Variants in KPNA3 observed in about 807,000 individuals in gnomAD.
The protein encoded by KPNA3 is karyopherin subunit alpha 3, also known as importin subunit alpha-4.
In KPNA3, 13 loss-of-function variants were observed where a neutral mutation model predicts 73.8. The ratio of observed to expected loss-of-function variants is 0.18; its 90% confidence interval spans 0.11 to 0.28. The LOEUF is 0.28. KPNA3 is among the 10% of genes least tolerant of loss of function. The pLI is 1.00. For synonymous variants in KPNA3, 186 were observed against 206.9 expected (o/e 0.90, Z 0.87); for missense variants, 360 against 618.1 (o/e 0.58, Z 4.43).
In KPNA3 at chr13:49,753,443, T is replaced by G. The variant is rs1229314245; in HGVS notation, c.70-6450A>C. Among the ~76,000 whole-genome samples the G allele has an allele frequency of 2.0e-5, 3 of 152,174 alleles. No individual in the cohort carries two copies. In the East Asian group the frequency reaches 5.8e-4, roughly 29 times the overall value. Reference sequence around the variant, plus strand: ...TATAAACACAACTCAAGGACTACTGTTTATATGAGCACTTTCTGAAGAATC... The same window carrying G: ...TATAAACACAACTCAAGGACTACTGGTTATATGAGCACTTTCTGAAGAATC... On this transcript the variant is annotated intron_variant, in intron 1 of 16. Coordinates refer to ENST00000261667, the MANE Select transcript of KPNA3 (RefSeq NM_002267.4).
chr13:49,739,329 C>A (rs941528906), intron 2 of KPNA3, among the ~76,000 whole-genome samples: 1 of 152,116 alleles, frequency 6.6e-6, no homozygotes, highest in Admixed American at 6.5e-5. Flanking sequence ...TCTCAACCCA[C>A]GAAGCATTAT....
intron 11 of KPNA3, among the ~76,000 whole-genome samples, chr13:49,710,505 A>T (rs1954250214): frequency 6.6e-6 from 1 of 152,232 alleles, no homozygotes; most frequent in Non-Finnish European, 1.5e-5. Context: ...AGAAGAATTG[A>T]AATGATTTTG....
At chr13:49,723,467 G>A (rs1003493624) in intron 7 of KPNA3, among the ~76,000 whole-genome samples, 6 of 152,086 alleles carry the variant, frequency 3.9e-5, no homozygotes, top group Non-Finnish European at 7.4e-5. Context: ...CTACTTTGGA[G>A]GCTGAGGCAG....
rs147571682 is a variant in KPNA3 at position 49,741,782 on chromosome 13, T to C, written c.114+5167A>G. 1.1e-4 allele frequency among the ~76,000 whole-genome samples: 17 copies of C among 152,336 alleles called. No homozygotes were observed. The East Asian group carries it at 3.3e-3, about 29-fold the overall frequency. On this transcript the variant is annotated intron_variant, in intron 2 of 16. Coordinates refer to ENST00000261667, the MANE Select transcript of KPNA3 (RefSeq NM_002267.4). Reference sequence around the variant, plus strand: ...GCCCATTTTTTAATTGTTAGTTTTCTTGCTATTGAGTTCATTATATATAAC... The same window carrying C: ...GCCCATTTTTTAATTGTTAGTTTTCCTGCTATTGAGTTCATTATATATAAC...
At chr13:49,759,251 A>G (rs4942864) in intron 1 of KPNA3, among the ~76,000 whole-genome samples, 36,384 of 152,146 alleles carry the variant, frequency 0.24, 5,197 homozygotes, top group Non-Finnish European at 0.32. Context: ...TCAAGCATTT[A>G]TTTTACTGTT....
chr13:49,702,328 ACAT>A, intron 16 of KPNA3, 55 bp downstream of exon 16: 1 of 884,070 alleles, frequency 1.1e-6, no homozygotes, highest in Admixed American at 2.4e-5. Flanking sequence ...TAGTAAATTT[ACAT>A]CATGTATAGG....
intron 15 of KPNA3, among the ~76,000 whole-genome samples, chr13:49,703,183 C>CTTTTTTTTTT (rs35282756): frequency 9.2e-5 from 10 of 109,194 alleles, no homozygotes; most frequent in Admixed American, 1.1e-4. Context: ...TTCTTTCTTT[C>CTTTTTTTTTT]TTTTTTTTTT....
intron 2 of KPNA3, among the ~76,000 whole-genome samples, chr13:49,734,266 CTCAATATAT>C (rs1407724806): frequency 2.0e-5 from 3 of 152,180 alleles, no homozygotes; most frequent in Non-Finnish European, 2.9e-5. Context: ...TTCTTTTATA[CTCAATATAT>C]TCAATATATT....
intron 12 of KPNA3, among the ~76,000 whole-genome samples, chr13:49,707,322 T>C (rs1954217132): frequency 6.6e-6 from 1 of 152,172 alleles, no homozygotes; most frequent in South Asian, 2.1e-4. Context: ...CATCCAACTG[T>C]GGTAAGTTGT....
At position 49,733,341 on chromosome 13, in the gene KPNA3, GC is replaced by G. The variant is rs201567613; in HGVS notation, c.115-296del. Reference sequence around the variant, plus strand: ...CTTGCTCTGTCACCCAGTCTGGAGTGCAGTGGCACAATCTCAGCTCACTTCC... The same window carrying G: ...CTTGCTCTGTCACCCAGTCTGGAGTGAGTGGCACAATCTCAGCTCACTTCC... On this transcript the variant is annotated intron_variant, in intron 2 of 16. Transcript: ENST00000261667. 9.0e-3 allele frequency among the ~76,000 whole-genome samples: 1,287 copies of G among 143,104 alleles called. 18 individuals carry two copies. Among genetic ancestry groups the G allele is most frequent in the African/African-American group, 0.032 (1,235 of 38,362 alleles). 93.9% of individuals were successfully genotyped at this position (143,104 alleles called of 152,430 possible).
At chr13:49,733,138 T>C in intron 2 of KPNA3, 92 bp from the exon 3 acceptor site, 1 of 789,750 alleles carries the variant, frequency 1.3e-6, no homozygotes, top group Middle Eastern at 2.3e-4. Context: ...TAGGCAATTA[T>C]GAAACAAATA....
chr13:49,741,543 T>C (rs1954574354), intron 2 of KPNA3, among the ~76,000 whole-genome samples: 1 of 150,550 alleles, frequency 6.6e-6, no homozygotes, highest in Non-Finnish European at 1.5e-5. Flanking sequence ...AAACTCCGCC[T>C]CCCAGGTTCA....
At chr13:49,747,026 C>A in intron 1 of KPNA3, 33 bp from the exon 2 acceptor site, 1 of 1,497,458 alleles carries the variant, frequency 6.7e-7, no homozygotes, top group South Asian at 1.1e-5. Context: ...ACAGATGTAT[C>A]AAAATACGGA....
At chr13:49,704,280 G>A (rs1376628790) in intron 15 of KPNA3, among the ~76,000 whole-genome samples, 5 of 151,844 alleles carry the variant, frequency 3.3e-5, no homozygotes, top group Non-Finnish European at 7.4e-5. Flanking sequence ...AAATTTAGCC[G>A]GGCGTGGTGG....
intron 1 of KPNA3, among the ~76,000 whole-genome samples, chr13:49,785,755 GA>G (rs201824796): frequency 3.9e-4 from 57 of 146,842 alleles, no homozygotes; most frequent in African/African-American, 1.2e-3. Context: ...GTGAATTCAT[GA>G]AAAAAAAAAA....
chr13:49,704,431 TAAA>T lies in KPNA3; in HGVS notation c.1372+1187_1372+1189del, dbSNP rs76079319. Reference sequence around the variant, plus strand: ...CTGTCTCAAAAAAAAAATAAATAAATAAAAAATAAATAAATAAATAAATAAATA... The same window carrying T: ...CTGTCTCAAAAAAAAAATAAATAAATAAATAAATAAATAAATAAATAAATA... On this transcript the variant is annotated intron_variant, in intron 15 of 16. Transcript: ENST00000261667. 2.7e-3 allele frequency among the ~76,000 whole-genome samples: 141 copies of T among 52,362 alleles called. 1 individual carries two copies. Among genetic ancestry groups the T allele is most frequent in the South Asian group, 0.02 (21 of 1,028 alleles). 34.4% of individuals were successfully genotyped at this position (52,362 alleles called of 152,430 possible).
chr13:49,776,251 T>C (rs957611582), intron 1 of KPNA3, among the ~76,000 whole-genome samples: 2 of 152,100 alleles, frequency 1.3e-5, no homozygotes, highest in Non-Finnish European at 2.9e-5. Flanking sequence ...AAGTATCAAT[T>C]CTTTCTTCCA....
intron 10 of KPNA3, among the ~76,000 whole-genome samples, chr13:49,715,149 A>G (rs1442528938): frequency 6.6e-6 from 1 of 152,142 alleles, no homozygotes; most frequent in Non-Finnish European, 1.5e-5. Flanking sequence ...TCTATAGTTC[A>G]GACAAAATGT....
At chr13:49,714,597 G>T (rs893945586) in intron 10 of KPNA3, among the ~76,000 whole-genome samples, 2 of 151,904 alleles carry the variant, frequency 1.3e-5, no homozygotes, top group African/African-American at 4.8e-5. Flanking sequence ...ATCCCCAAAG[G>T]ATTTAAGAGG....
Sources: allele counts gnomAD v4.1 joint callset (sites outside exome capture counted in the v4.1 genomes callset), GRCh38; gene constraint gnomAD v4.1.1; transcripts MANE v1.5; gene names NCBI Gene and HGNC (gene_info 2026-07-23, HGNC 2026-07-21).